Variants in WDR27 observed in about 807,000 individuals in gnomAD.
The protein encoded by WDR27 is WD repeat domain 27.
WDR27 carries 100 observed loss-of-function variants against 114.4 expected under a neutral mutation model. The observed-to-expected ratio is 0.87, with a 90% CI of 0.74 to 1.03. The LOEUF is 1.03. WDR27 is among the 50% of genes least tolerant of loss of function. The probability of loss-of-function intolerance (pLI) is 0.00; values close to 1 mark genes in which losing one functional copy is unlikely to be tolerated. For missense variants in WDR27, 1,129 were observed against 1,092.9 expected (o/e 1.03, Z -0.47); for synonymous variants, 449 against 423.1 (o/e 1.06, Z -0.75).
intron 25 of WDR27, among the ~76,000 whole-genome samples, chr6:169,552,921 A>C (rs1798342078): frequency 2.0e-5 from 3 of 150,292 alleles, no homozygotes; most frequent in Admixed American, 2.0e-4. Context: ...TTTAAAAGGC[A>C]GCTAAGCGCG....
chr6:169,484,590 T>C (rs1583702600), intron 25 of WDR27, among the ~76,000 whole-genome samples: 1 of 152,160 alleles, frequency 6.6e-6, no homozygotes, highest in South Asian at 2.1e-4. Flanking sequence ...AAAATGGCCA[T>C]ACTGCCTAAA....
intron 21 of WDR27, among the ~76,000 whole-genome samples, chr6:169,622,848 T>C (rs1393821009): frequency 6.6e-6 from 1 of 152,204 alleles, no homozygotes; most frequent in African/African-American, 2.4e-5. Flanking sequence ...GCCGTCCTTT[T>C]CATTCCTGGG....
At chr6:169,575,145 G>C (rs1802042303) in intron 24 of WDR27, among the ~76,000 whole-genome samples, 1 of 152,054 alleles carries the variant, frequency 6.6e-6, no homozygotes, top group South Asian at 2.1e-4. Flanking sequence ...AGCAGATCTT[G>C]GGACTTCTCG....
chr6:169,574,557 G>T (rs1426184793), intron 24 of WDR27, among the ~76,000 whole-genome samples: 1 of 152,216 alleles, frequency 6.6e-6, no homozygotes, highest in African/African-American at 2.4e-5. Context: ...CGAAAGCAGG[G>T]TTCCCAGAAC....
chr6:169,555,261 C>T (rs1012675935), intron 25 of WDR27, among the ~76,000 whole-genome samples: 13 of 152,194 alleles, frequency 8.5e-5, no homozygotes, highest in Non-Finnish European at 1.5e-4. Context: ...GAGAGGACAA[C>T]ATTTGAAGGA....
At chr6:169,520,367 T>G (rs921846170) in intron 25 of WDR27, among the ~76,000 whole-genome samples, 1 of 152,166 alleles carries the variant, frequency 6.6e-6, no homozygotes, top group African/African-American at 2.4e-5. Flanking sequence ...AGATTGTTTT[T>G]AACAAAAAGA....
chr6:169,638,848 T>C (rs1332582273), intron 17 of WDR27, among the ~76,000 whole-genome samples, 188 bp from the exon 18 acceptor site: 3 of 152,224 alleles, frequency 2.0e-5, no homozygotes, highest in African/African-American at 7.2e-5. Flanking sequence ...ACCATCTCCC[T>C]TCAGTAGAGA....
At position 169,512,664 on chromosome 6, in the gene WDR27, CA is replaced by C. The variant is rs535277879; in HGVS notation, c.2646-55031del. 1.7e-3 allele frequency among the ~76,000 whole-genome samples: 256 copies of C among 152,240 alleles called. 3 individuals carry two copies. The highest frequency in any genetic ancestry group is 9.7e-3 in the South Asian group (47 of 4,824). ...TTATTTAAAGGCTGTTTAAATGCTG[CA>C]AATGTGAACATTTTAACATTAGAAT... On this transcript the variant is annotated intron_variant, in intron 25 of 25. Transcript: ENST00000448612.
At chr6:169,534,794 C>T (rs538532182) in intron 25 of WDR27, among the ~76,000 whole-genome samples, 1 of 151,498 alleles carries the variant, frequency 6.6e-6, no homozygotes, top group South Asian at 2.1e-4. Flanking sequence ...TCTTGGTCAG[C>T]TCTAGCTCTT....
chr6:169,454,724 G>C (rs1482240527), downstream of WDR27, among the ~76,000 whole-genome samples: 1 of 152,232 alleles, frequency 6.6e-6, no homozygotes, highest in East Asian at 1.9e-4. Flanking sequence ...CCCATGACAT[G>C]TGCCACATGA....
At chr6:169,483,611 A>G (rs920084646) in intron 25 of WDR27, among the ~76,000 whole-genome samples, 69 of 152,170 alleles carry the variant, frequency 4.5e-4, no homozygotes, top group Non-Finnish European at 1.0e-4. Context: ...TACTAAAACT[A>G]TTCAAAAAAT....
At chr6:169,601,680 G>T (rs891241464) in intron 23 of WDR27, among the ~76,000 whole-genome samples, 1 of 152,204 alleles carries the variant, frequency 6.6e-6, no homozygotes, top group Non-Finnish European at 1.5e-5. Flanking sequence ...CTCCAAGTTT[G>T]TGGTAGTTTG....
chr6:169,539,608 T>A (rs940008601), intron 25 of WDR27, among the ~76,000 whole-genome samples: 4 of 152,156 alleles, frequency 2.6e-5, no homozygotes, highest in Non-Finnish European at 5.9e-5. Context: ...CAGTCTTTCA[T>A]CCCAGCCCTC....
chr6:169,666,447 C>G, intron 6 of WDR27: 1 of 985,440 alleles, frequency 1.0e-6, no homozygotes, highest in Non-Finnish European at 1.2e-6. Flanking sequence ...TTTTAATTCC[C>G]TAACTCTCTT....
chr6:169,619,963 C>T (rs1165082486), intron 21 of WDR27, among the ~76,000 whole-genome samples: 1 of 152,174 alleles, frequency 6.6e-6, no homozygotes, highest in Non-Finnish European at 1.5e-5. Flanking sequence ...GGCAAAGACA[C>T]ATGTTTTGGA....
At chr6:169,524,731 C>A (rs188281267) in intron 25 of WDR27, among the ~76,000 whole-genome samples, 1 of 152,212 alleles carries the variant, frequency 6.6e-6, no homozygotes, top group African/African-American at 2.4e-5. Context: ...TAACCATATG[C>A]AGAAGAATGA....
intron 25 of WDR27, among the ~76,000 whole-genome samples, chr6:169,526,849 T>G (rs1037304500): frequency 1.3e-5 from 2 of 152,238 alleles, no homozygotes; most frequent in South Asian, 4.2e-4. Context: ...GGCAAATAAT[T>G]TGAATAGACA....
chr6:169,695,225 A>G (rs1185822917), intron 1 of WDR27, among the ~76,000 whole-genome samples: 1 of 151,596 alleles, frequency 6.6e-6, no homozygotes, highest in Non-Finnish European at 1.5e-5. Flanking sequence ...TGGACACCAC[A>G]TGTTATTTCT....
intron 16 of WDR27, among the ~76,000 whole-genome samples, chr6:169,645,857 T>C (rs1479904773): frequency 6.6e-6 from 1 of 150,720 alleles, no homozygotes; most frequent in Non-Finnish European, 1.5e-5. Flanking sequence ...GGTCACACTG[T>C]AGAAAAGCCT....
Sources: gnomAD v4.1 joint callset for allele counts (sites outside exome capture counted in the v4.1 genomes callset) on GRCh38, gnomAD v4.1.1 for gene constraint, MANE v1.5 for transcripts, NCBI Gene and HGNC (gene_info 2026-07-23, HGNC 2026-07-21) for gene names.